The following RFPL1 variants were observed in gnomAD, a reference collection of about 807,000 sequenced individuals.
RFPL1 encodes ret finger protein-like 1.
In RFPL1, 6 loss-of-function variants were observed where a neutral mutation model predicts 9.6. That is an observed-to-expected ratio of 0.62 (90% CI 0.34 to 1.23). The LOEUF (loss-of-function observed/expected upper bound fraction) is 1.23, where lower values mean the gene tolerates loss of function less well. RFPL1 is among the 50% of genes most tolerant of loss of function. The pLI, the probability that RFPL1 is intolerant of heterozygous loss-of-function variation, is 0.03. For missense variants in RFPL1, 352 were observed against 398.4 expected (o/e 0.88, Z 0.99); for synonymous variants, 145 against 149.4 (o/e 0.97, Z 0.22).
In RFPL1 at chr22:29,439,165, G is replaced by A. The variant is rs765657040; in HGVS notation, c.373+1G>A. On this transcript the variant is annotated splice_donor_variant, in intron 1 of 1. Coordinates refer to ENST00000354373, the Ensembl canonical transcript of RFPL1. LOFTEE classifies it high-confidence loss of function. ...AACCCAAGGATGCGGAAGTTCCAAGGTGAGGGATCTGTATACACTGCCCCC... is the reference window on the plus strand; with the variant it reads ...AACCCAAGGATGCGGAAGTTCCAAGATGAGGGATCTGTATACACTGCCCCC... 6 of 1,613,580 alleles carry A rather than the reference G, an allele frequency of 3.7e-6. No individual in the cohort carries two copies. Among genetic ancestry groups the A allele is most frequent in the Non-Finnish European group, 5.1e-6 (6 of 1,179,708 alleles).
the RFPL1 span, among the ~76,000 whole-genome samples, chr22:29,428,486 G>A: frequency 2.0e-5 from 3 of 152,212 alleles, no homozygotes; most frequent in African/African-American, 4.8e-5. Context: ...AAATAAGTCA[G>A]ATTGAAGCTG....
At chr22:29,389,841 C>G in the RFPL1 span, among the ~76,000 whole-genome samples, 1 of 151,640 alleles carries the variant, frequency 6.6e-6, no homozygotes, top group Non-Finnish European at 1.5e-5. Flanking sequence ...CTCTGTTGCC[C>G]GGACTGGAGT....
chr22:29,407,260 AT>A, the RFPL1 span, among the ~76,000 whole-genome samples: 14,388 of 147,898 alleles, frequency 0.097, 681 homozygotes, highest in African/African-American at 0.11. Context: ...TACCAAGCTA[AT>A]TTTTTTTTTT....
rs1200051038 is a variant in RFPL1, at chr22:29,439,056, A to G, written c.265A>G (p.Lys89Glu). 3.7e-6 allele frequency: 6 copies of G among 1,614,184 alleles called. No homozygotes were observed. In the East Asian group the frequency reaches 8.9e-5, roughly 24 times the overall value. Residue 89 changes from lysine (K) to glutamate (E), a missense_variant, in exon 1 of 2, where the codon AAA becomes GAA. By Grantham distance (56) the Lys-to-Glu change is moderately conservative (BLOSUM62 1). Transcript: ENST00000354373. ...CTGTTCCATGGTCTCTCAGAAGAAC[A>G]AAATCAGGCCCAGTTGGCAGCTAGA...
the RFPL1 span, among the ~76,000 whole-genome samples, chr22:29,425,135 T>C: frequency 0.48 from 69,949 of 144,872 alleles, 18,598 homozygotes; most frequent in African/African-American, 0.74. Flanking sequence ...ACCCGGGAGG[T>C]GGAGCTTGCA....
chr22:29,428,317 C>T, the RFPL1 span, among the ~76,000 whole-genome samples: 9,803 of 152,146 alleles, frequency 0.064, 452 homozygotes, highest in Non-Finnish European at 0.1. Context: ...GAGGATATAA[C>T]AATTATAAAT....
At chr22:29,420,614 C>A in the RFPL1 span, among the ~76,000 whole-genome samples, 3 of 137,372 alleles carry the variant, frequency 2.2e-5, no homozygotes, top group Non-Finnish European at 4.6e-5. Flanking sequence ...CAGGCATGAG[C>A]CACTGCAGAT....
At chr22:29,439,339 CA>C (rs937648200) in intron 1 of RFPL1, 175 bp downstream of exon 1, 180 of 1,033,448 alleles carry the variant, frequency 1.7e-4, no homozygotes, top group Non-Finnish European at 2.0e-4. Flanking sequence ...TGGTGATCTC[CA>C]AAAAAAAGGC....
At chr22:29,407,255 A>G in the RFPL1 span, among the ~76,000 whole-genome samples, 1 of 150,292 alleles carries the variant, frequency 6.7e-6, no homozygotes, top group Non-Finnish European at 1.5e-5. Context: ...CACTATACCA[A>G]GCTAATTTTT....
chr22:29,405,450 T>C, the RFPL1 span, among the ~76,000 whole-genome samples: 8 of 152,150 alleles, frequency 5.3e-5, no homozygotes, highest in African/African-American at 1.7e-4. Flanking sequence ...GTTTGTCTTA[T>C]GGGGCATAAA....
At chr22:29,419,908 CA>C in the RFPL1 span, among the ~76,000 whole-genome samples, 1 of 152,032 alleles carries the variant, frequency 6.6e-6, no homozygotes, top group Non-Finnish European at 1.5e-5. Context: ...ACAAAAGCAT[CA>C]AAAACATGAT....
the RFPL1 span, among the ~76,000 whole-genome samples, chr22:29,399,604 G>A: frequency 6.6e-6 from 1 of 152,098 alleles, no homozygotes; most frequent in African/African-American, 2.4e-5. Flanking sequence ...ATTTCAACAT[G>A]TCACCTAACT....
the RFPL1 span, among the ~76,000 whole-genome samples, chr22:29,410,763 C>G: frequency 1.3e-5 from 2 of 150,936 alleles, no homozygotes; most frequent in Non-Finnish European, 1.5e-5. Flanking sequence ...AGGACTTCTC[C>G]GGCTTCCGCA....
chr22:29,422,496 G>C, the RFPL1 span, among the ~76,000 whole-genome samples: 2 of 152,186 alleles, frequency 1.3e-5, no homozygotes, highest in African/African-American at 4.8e-5. Context: ...AGAATCGCTC[G>C]AACCCAGGAG....
chr22:29,397,863 C>T, the RFPL1 span, among the ~76,000 whole-genome samples: 3 of 152,136 alleles, frequency 2.0e-5, no homozygotes, highest in African/African-American at 4.8e-5. Context: ...CTCTCCAGCC[C>T]GGGCCTTGGC....
At chr22:29,418,496 CTTTTT>C in the RFPL1 span, among the ~76,000 whole-genome samples, 39 of 124,484 alleles carry the variant, frequency 3.1e-4, no homozygotes, top group African/African-American at 1.1e-3. Context: ...TCTTCGTCTT[CTTTTT>C]TTTTTTTTTT....
the RFPL1 span, among the ~76,000 whole-genome samples, chr22:29,393,369 C>G: frequency 7.2e-5 from 11 of 152,272 alleles, no homozygotes; most frequent in East Asian, 2.1e-3. Context: ...CATGATCTGG[C>G]AGGAGAGCTA....
chr22:29,404,012 T>G, the RFPL1 span, among the ~76,000 whole-genome samples: 4,351 of 117,092 alleles, frequency 0.037, no homozygotes, highest in Middle Eastern at 0.077. Flanking sequence ...TGGAAATAAC[T>G]GAAATGTCTA....
At chr22:29,425,685 G>T in the RFPL1 span, among the ~76,000 whole-genome samples, 2 of 152,166 alleles carry the variant, frequency 1.3e-5, no homozygotes, top group Non-Finnish European at 2.9e-5. Flanking sequence ...TTATTGATAT[G>T]GCTGGGTGTG....
Sources: gnomAD v4.1 joint callset for allele counts (sites outside exome capture counted in the v4.1 genomes callset) on GRCh38, gnomAD v4.1.1 for gene constraint, MANE v1.5 for transcripts, NCBI Gene and HGNC (gene_info 2026-07-23, HGNC 2026-07-21) for gene names.